Variants in OBP2B observed in about 807,000 individuals in gnomAD.
OBP2B encodes odorant-binding protein 2b.
OBP2B carries 10 observed loss-of-function variants against 21.7 expected under a neutral mutation model. The observed-to-expected ratio is 0.46, with a 90% CI of 0.28 to 0.78. The LOEUF (loss-of-function observed/expected upper bound fraction) is 0.78. Among genes scored for constraint, OBP2B ranks in the 30% least tolerant of loss-of-function variants. OBP2B has a pLI of 0.11. For synonymous variants in OBP2B, 73 were observed against 91.5 expected (o/e 0.80, Z 1.16); for missense variants, 153 against 217.7 (o/e 0.70, Z 1.87).
chr9:133,219,938 T>C, the OBP2B span, among the ~76,000 whole-genome samples: 1 of 152,156 alleles, frequency 6.6e-6, no homozygotes, highest in Admixed American at 6.5e-5. Context: ...TATTATTCTG[T>C]CATAAAAAGA....
At chr9:133,220,119 T>A in the OBP2B span, among the ~76,000 whole-genome samples, 3 of 151,690 alleles carry the variant, frequency 2.0e-5, no homozygotes, top group Non-Finnish European at 2.9e-5. Flanking sequence ...GAGGGAAGAA[T>A]GGGGGTGAGA....
intron 4 of OBP2B, 46 bp from the exon 5 acceptor site, chr9:133,206,462 G>C: frequency 6.2e-7 from 1 of 1,607,452 alleles, no homozygotes; most frequent in Non-Finnish European, 8.5e-7. Flanking sequence ...ACAGCGGCAC[G>C]GCCCTGCAGG....
chr9:133,218,061 A>C, the OBP2B span, among the ~76,000 whole-genome samples: 5 of 152,234 alleles, frequency 3.3e-5, no homozygotes, highest in African/African-American at 1.2e-4. Context: ...CAGGAGTGTC[A>C]GGACAAGGGG....
At chr9:133,219,146 C>T in the OBP2B span, among the ~76,000 whole-genome samples, 1 of 152,234 alleles carries the variant, frequency 6.6e-6, no homozygotes, top group Non-Finnish European at 1.5e-5. Context: ...TCAAAGACCT[C>T]AACGTAAGAG....
At chr9:133,218,913 A>G in the OBP2B span, among the ~76,000 whole-genome samples, 37 of 152,366 alleles carry the variant, frequency 2.4e-4, no homozygotes, top group East Asian at 5.4e-3. Flanking sequence ...GTCCATGCAG[A>G]CAGAGGGTGG....
At chr9:133,215,835 GC>G in the OBP2B span, among the ~76,000 whole-genome samples, 5 of 152,232 alleles carry the variant, frequency 3.3e-5, no homozygotes, top group Non-Finnish European at 5.9e-5. Context: ...ATGGAAGATA[GC>G]TTTTGTAGCA....
intron 3 of OBP2B, chr9:133,207,789 C>T (rs1338645925): frequency 8.0e-7 from 1 of 1,245,816 alleles, no homozygotes. Context: ...CCTCAGCTTC[C>T]CCATCCTTAA....
upstream of OBP2B, chr9:133,209,374 T>A (rs1170633354): frequency 1.3e-6 from 1 of 752,862 alleles, no homozygotes; most frequent in East Asian, 2.7e-5. This position sits in a 1 kb window ranked among gnomAD's most constrained non-coding sequence, Gnocchi z 6.0. Flanking sequence ...GGGAGTGTCC[T>A]CATTGCTGGC....
chr9:133,207,714 C>A (rs1284940397), intron 3 of OBP2B: 3 of 594,622 alleles, frequency 5.0e-6, no homozygotes, highest in Non-Finnish European at 8.8e-6. Flanking sequence ...TCATCCCTAA[C>A]CCTCAGCTTC....
At chr9:133,206,675 A>G (rs1833726054) in intron 4 of OBP2B, among the ~76,000 whole-genome samples, 1 of 149,318 alleles carries the variant, frequency 6.7e-6, no homozygotes, top group Admixed American at 6.6e-5. Flanking sequence ...CCAGCACCGG[A>G]CAAGCAGGAG....
chr9:133,217,026 T>A, the OBP2B span, among the ~76,000 whole-genome samples: 1 of 151,354 alleles, frequency 6.6e-6, no homozygotes, highest in African/African-American at 2.4e-5. Context: ...CTCAGAAGCA[T>A]CATTTCAACA....
At chr9:133,221,141 A>G in the OBP2B span, among the ~76,000 whole-genome samples, 3 of 152,250 alleles carry the variant, frequency 2.0e-5, no homozygotes, top group Admixed American at 2.0e-4. Flanking sequence ...TGACCAACAA[A>G]TGAAAGCGTT....
In OBP2B at chr9:133,206,496, C is replaced by T. The variant is rs1438122258; in HGVS notation, c.389-80G>A. Reference sequence around the variant, plus strand: ...GGGAGCAGATGCCGAAAGGAGACGACCACGGCCCAGCACCAGGACAGGGGG... The same window carrying T: ...GGGAGCAGATGCCGAAAGGAGACGATCACGGCCCAGCACCAGGACAGGGGG... On this transcript the variant is annotated intron_variant, in intron 4 of 6. Transcript: ENST00000372034. The T allele has an allele frequency of 6.4e-6, 10 of 1,573,078 alleles. No homozygotes were observed. The East Asian group carries it at 2.3e-4, about 36-fold the overall frequency.
At chr9:133,222,724 C>A in the OBP2B span, among the ~76,000 whole-genome samples, 2 of 151,716 alleles carry the variant, frequency 1.3e-5, no homozygotes, top group South Asian at 4.2e-4. Flanking sequence ...GAGCAAGACT[C>A]CAAAACAAAA....
chr9:133,216,422 C>T, the OBP2B span, among the ~76,000 whole-genome samples: 122,813 of 151,264 alleles, frequency 0.81, 50,533 homozygotes, highest in African/African-American at 0.91. Flanking sequence ...ATAGTGATCA[C>T]ACTGAAGCCT....
At chr9:133,216,169 A>G in the OBP2B span, among the ~76,000 whole-genome samples, 1 of 151,584 alleles carries the variant, frequency 6.6e-6, no homozygotes, top group Non-Finnish European at 1.5e-5. Context: ...CTGAAAGAAA[A>G]TATTGACAAA....
At chr9:133,219,328 C>T in the OBP2B span, among the ~76,000 whole-genome samples, 1 of 152,136 alleles carries the variant, frequency 6.6e-6, no homozygotes, top group Non-Finnish European at 1.5e-5. Context: ...AATGAAAAGA[C>T]AAGATACAGA....
upstream of OBP2B, among the ~76,000 whole-genome samples, chr9:133,209,951 C>T (rs1368744705): frequency 3.9e-5 from 6 of 152,214 alleles, no homozygotes; most frequent in Non-Finnish European, 8.8e-5. The surrounding 1 kb of genome is among the most constrained non-coding windows in gnomAD (Gnocchi z 6.0). Context: ...ATTGTCCTGT[C>T]CATTTCTTCC....
upstream of OBP2B, among the ~76,000 whole-genome samples, chr9:133,211,912 A>G (rs1833920751): frequency 6.6e-6 from 1 of 152,252 alleles, no homozygotes; most frequent in African/African-American, 2.4e-5. Context: ...AGTGATTGGC[A>G]AAGTGAATTA....
Sources: gnomAD v4.1 joint callset for allele counts (sites outside exome capture counted in the v4.1 genomes callset) on GRCh38, gnomAD v4.1.1 for gene constraint, Gnocchi (gnomAD v3.1) non-coding constraint, MANE v1.5 for transcripts, NCBI Gene and HGNC (gene_info 2026-07-23, HGNC 2026-07-21) for gene names.